CEP57L1: variants seen among roughly 807,000 people sequenced by gnomAD.
CEP57L1 encodes centrosomal protein 57 like 1.
Under a neutral mutation model 61.0 loss-of-function variants are expected in CEP57L1, and 37 were observed. That is an observed-to-expected ratio of 0.61 (90% CI 0.47 to 0.80). The LOEUF (loss-of-function observed/expected upper bound fraction) is 0.80, where lower values mean the gene tolerates loss of function less well. CEP57L1 is among the 30% of genes least tolerant of loss of function. The probability of loss-of-function intolerance (pLI) is 0.00; values close to 1 mark genes in which losing one functional copy is unlikely to be tolerated. For synonymous variants in CEP57L1, 137 were observed against 162.3 expected (o/e 0.84, Z 1.19); for missense variants, 422 against 524.7 (o/e 0.80, Z 1.91).
At chr6:109,109,126 A>G (rs1357642301) in intron 1 of CEP57L1, among the ~76,000 whole-genome samples, 1 of 152,194 alleles carries the variant, frequency 6.6e-6, no homozygotes, top group Non-Finnish European at 1.5e-5. Flanking sequence ...CATGTCTCAT[A>G]ATATCTCAAT....
intron 1 of CEP57L1, among the ~76,000 whole-genome samples, chr6:109,131,047 A>G (rs1435680685): frequency 2.0e-5 from 3 of 152,192 alleles, no homozygotes; most frequent in Admixed American, 6.5e-5. Flanking sequence ...TTACAAAATG[A>G]TGATTTTTCA....
In CEP57L1 at chr6:109,116,611, C is replaced by G. The variant is rs115194662; in HGVS notation, c.-4+21036C>G. On this transcript the variant is annotated intron_variant, in intron 1 of 10. Transcript: ENST00000517392. The stretch of plus-strand genomic sequence containing the variant: ...CATAAAGCTTTTGATAAGAGGTTAT[C>G]CAAGAGAAACTTTGTCTAAAGTATA... 5.3e-3 allele frequency among the ~76,000 whole-genome samples: 799 copies of G among 152,138 alleles called. 6 individuals are homozygous for G. Among genetic ancestry groups the G allele is most frequent in the African/African-American group, 0.018 (757 of 41,482 alleles).
In CEP57L1 at chr6:109,144,983, A is replaced by G. The variant is rs900860325; in HGVS notation, c.-3-236A>G. Among the ~76,000 whole-genome samples, 5 of 152,056 alleles carry G rather than the reference A, an allele frequency of 3.3e-5. No individual in the cohort carries two copies. The South Asian group carries it at 1.0e-3, about 32-fold the overall frequency. Reference sequence around the variant, plus strand: ...AAATCACTCATGTGATGCTTACTCCAGGGTATATGATTATTGAAAATCAGG... The same window carrying G: ...AAATCACTCATGTGATGCTTACTCCGGGGTATATGATTATTGAAAATCAGG... On this transcript the variant is annotated intron_variant, in intron 1 of 10. Transcript: ENST00000517392.
rs530656125 is a variant in CEP57L1 at position 109,150,113 on chromosome 6, C to G, written c.341-5C>G. Reference sequence around the variant, plus strand: ...TTTCCTAATTGAATACCCTTTATTTCATAGATATAAGTATACAGTTAAGCT... The same window carrying G: ...TTTCCTAATTGAATACCCTTTATTTGATAGATATAAGTATACAGTTAAGCT... On this transcript the variant is annotated splice_region_variant and splice_polypyrimidine_tract_variant and intron_variant, in intron 3 of 10. Transcript: ENST00000517392. 43 of 1,558,538 alleles carry G rather than the reference C, an allele frequency of 2.8e-5. No homozygotes were observed. The Admixed American group carries it at 7.2e-4, about 26-fold the overall frequency.
intron 4 of CEP57L1, among the ~76,000 whole-genome samples, chr6:109,152,077 C>G (rs1583626893): frequency 1.3e-5 from 2 of 152,272 alleles, no homozygotes; most frequent in South Asian, 4.1e-4. Flanking sequence ...CCACCTCTCT[C>G]TCTTCTTCTC....
chr6:109,117,867 G>T, intron 1 of CEP57L1, among the ~76,000 whole-genome samples: 1 of 152,154 alleles, frequency 6.6e-6, no homozygotes, highest in East Asian at 1.9e-4. Flanking sequence ...TGTTCTCTGT[G>T]CTCCTCTATT....
At chr6:109,119,413 G>T (rs1218374408) in intron 1 of CEP57L1, among the ~76,000 whole-genome samples, 1 of 152,306 alleles carries the variant, frequency 6.6e-6, no homozygotes, top group Middle Eastern at 3.4e-3. Context: ...GATGGGAGAG[G>T]ATAGGTGAGT....
intron 9 of CEP57L1, 146 bp downstream of exon 9, chr6:109,159,608 C>CATAAAAAAAAAAA (rs1773549512): frequency 1.5e-6 from 1 of 661,492 alleles, no homozygotes; most frequent in African/African-American, 1.8e-5. Context: ...CGTGCCTGGC[C>CATAAAAAAAAAAA]AGTATTTTTA....
chr6:109,166,845 T>C lies in CEP57L1; in HGVS notation c.*3875T>C, dbSNP rs1774138987. The stretch of plus-strand genomic sequence containing the variant: ...AACAGCTGCCATTATTGGTGTAGAG[T>C]AAATAATGAAACTCCTAATGGGGTT... On this transcript the variant is annotated 3_prime_UTR_variant, in exon 11 of 11. Coordinates refer to ENST00000517392, the MANE Select transcript of CEP57L1 (RefSeq NM_001271852.3). Among the ~76,000 whole-genome samples, 1 of 151,922 alleles carries C rather than the reference T, an allele frequency of 6.6e-6. No individual in the cohort carries two copies. The highest frequency in any genetic ancestry group is 2.4e-5 in the African/African-American group (1 of 41,354).
intron 1 of CEP57L1, among the ~76,000 whole-genome samples, chr6:109,127,159 C>T (rs994766685): frequency 1.3e-5 from 2 of 152,040 alleles, no homozygotes; most frequent in African/African-American, 4.8e-5. Flanking sequence ...AGCGAAACTC[C>T]GTCTCAAACA....
intron 4 of CEP57L1, among the ~76,000 whole-genome samples, chr6:109,152,944 A>G (rs534064824): frequency 9.2e-5 from 14 of 151,944 alleles, no homozygotes; most frequent in African/African-American, 3.1e-4. Context: ...CCACGTCTCT[A>G]CTAAAAATAC....
intron 1 of CEP57L1, among the ~76,000 whole-genome samples, chr6:109,132,857 G>T (rs1427842477): frequency 6.6e-6 from 1 of 152,098 alleles, no homozygotes. Context: ...TACTACTGAG[G>T]TTGAGCATCT....
Position 109,165,743 on chromosome 6 carries a change from C to G in CEP57L1, c.*2773C>G, listed in dbSNP as rs1330494001. On this transcript the variant is annotated 3_prime_UTR_variant, in exon 11 of 11. Transcript: ENST00000517392. Reference sequence around the variant, plus strand: ...GTTGCTTCATCACAGCTACTGAACTCACAGACTGCCTGCTTGCCAGAGCCT... The same window carrying G: ...GTTGCTTCATCACAGCTACTGAACTGACAGACTGCCTGCTTGCCAGAGCCT... 1 of 152,218 alleles carries G rather than the reference C, an allele frequency of 6.6e-6. No homozygotes were observed. Among genetic ancestry groups the G allele is most frequent in the Non-Finnish European group, 1.5e-5 (1 of 68,050 alleles). 9.4% of individuals were successfully genotyped at this position (152,218 alleles called of 1,614,324 possible). A position where few individuals can be genotyped will look rare whatever the true frequency, so the allele number is the denominator to read the frequency against.
At chr6:109,147,204 A>G (rs1295585207) in intron 3 of CEP57L1, among the ~76,000 whole-genome samples, 1 of 152,118 alleles carries the variant, frequency 6.6e-6, no homozygotes, top group East Asian at 1.9e-4. Context: ...TAAAAATTAG[A>G]ATATTTTCAG....
chr6:109,099,223 T>C (rs1281033456), intron 1 of CEP57L1, among the ~76,000 whole-genome samples: 1 of 152,146 alleles, frequency 6.6e-6, no homozygotes, highest in East Asian at 1.9e-4. Context: ...AGTGTTTTGA[T>C]AGGAGTTGTT....
intron 1 of CEP57L1, among the ~76,000 whole-genome samples, chr6:109,114,869 A>T (rs749286099): frequency 5.9e-5 from 9 of 152,164 alleles, no homozygotes; most frequent in Admixed American, 2.0e-4. Flanking sequence ...CTACAAAGAG[A>T]TGGTAAATAT....
rs1205931754 is a variant in CEP57L1 at position 109,146,768 on chromosome 6, A to G, written c.171A>G (p.Leu57=). ...ATTTTTTTTCAACAGCTCTTATTTTAGCCTTAAAAACTCTTCAGGAAAAAA... is the reference window on the plus strand; with the variant it reads ...ATTTTTTTTCAACAGCTCTTATTTTGGCCTTAAAAACTCTTCAGGAAAAAA... The part of the protein sequence containing the change: ...LHSPNSQALI[L]ALKTLQEKIH... The change falls in exon 3 of 11, where the codon TTA becomes TTG. Residue 57 remains leucine (L), a synonymous_variant. Coordinates refer to ENST00000517392, the MANE Select transcript of CEP57L1 (RefSeq NM_001271852.3). 1 of 1,565,626 alleles carries G rather than the reference A, an allele frequency of 6.4e-7. No individual in the cohort carries two copies. Among genetic ancestry groups the G allele is most frequent in the Non-Finnish European group, 8.6e-7 (1 of 1,162,970 alleles).
chr6:109,133,325 A>C (rs1403540195), intron 1 of CEP57L1, among the ~76,000 whole-genome samples: 2 of 152,176 alleles, frequency 1.3e-5, no homozygotes, highest in African/African-American at 4.8e-5. Context: ...CATAAGGAGC[A>C]TGCAGCCTAG....
intron 1 of CEP57L1, among the ~76,000 whole-genome samples, chr6:109,134,263 C>A (rs1390201298): frequency 6.6e-6 from 1 of 151,976 alleles, no homozygotes; most frequent in Non-Finnish European, 1.5e-5. Flanking sequence ...TCAACATACA[C>A]AAATCAATAA....
Sources: allele counts gnomAD v4.1 joint callset (sites outside exome capture counted in the v4.1 genomes callset), GRCh38; gene constraint gnomAD v4.1.1; transcripts MANE v1.5; gene names NCBI Gene and HGNC (gene_info 2026-07-23, HGNC 2026-07-21).